ST8SIA5: variants seen among roughly 807,000 people sequenced by gnomAD.
The protein encoded by ST8SIA5 is alpha-2,8-sialyltransferase 8E.
ST8SIA5 carries 24 observed loss-of-function variants against 40.2 expected under a neutral mutation model. That is an observed-to-expected ratio of 0.60 (90% CI 0.43 to 0.84). The LOEUF (loss-of-function observed/expected upper bound fraction) is 0.84, where lower values mean the gene tolerates loss of function less well. Among genes scored for constraint, ST8SIA5 ranks in the 40% least tolerant of loss-of-function variants. The pLI is 0.00. For missense variants in ST8SIA5, 465 were observed against 498.5 expected, an observed-to-expected ratio of 0.93 and a Z score of 0.64; for synonymous variants, 198 against 201.8, an observed-to-expected ratio of 0.98 and a Z score of 0.16.
intron 2 of ST8SIA5, among the ~76,000 whole-genome samples, chr18:46,693,242 TC>T (rs2039525453): frequency 6.6e-6 from 1 of 152,184 alleles, no homozygotes; most frequent in African/African-American, 2.4e-5. Flanking sequence ...TGCATAGTTC[TC>T]TTGGGAACAT....
chr18:46,715,833 C>T (rs1367752117), intron 1 of ST8SIA5, among the ~76,000 whole-genome samples: 1 of 152,054 alleles, frequency 6.6e-6, no homozygotes. Context: ...GCAATCCTCC[C>T]GCCTCAGCCT....
chr18:46,752,972 G>A (rs2040208240), intron 1 of ST8SIA5, among the ~76,000 whole-genome samples: 1 of 152,140 alleles, frequency 6.6e-6, no homozygotes, highest in Non-Finnish European at 1.5e-5. Context: ...CTTTTATCCT[G>A]CCATTACCCT....
At chr18:46,708,550 G>GC (rs1450261239) in intron 1 of ST8SIA5, among the ~76,000 whole-genome samples, 1 of 152,112 alleles carries the variant, frequency 6.6e-6, no homozygotes, top group Non-Finnish European at 1.5e-5. Context: ...CAGAGCCCAT[G>GC]CCCCTATCAG....
In ST8SIA5 at chr18:46,732,956, G is replaced by A. The variant is rs116672130; in HGVS notation, c.131+23422C>T. On this transcript the variant is annotated intron_variant, in intron 1 of 6. Coordinates refer to ENST00000315087, the MANE Select transcript of ST8SIA5 (RefSeq NM_013305.6). The stretch of plus-strand genomic sequence containing the variant: ...AAGCCCATGCTAGCAGCTTGAGATC[G>A]CTCTGTCCACATCCCTCACAAGGGA... 8.4e-3 allele frequency among the ~76,000 whole-genome samples: 1,284 copies of A among 152,258 alleles called. 23 individuals carry two copies. The highest frequency in any genetic ancestry group is 0.029 in the African/African-American group (1,223 of 41,542).
In ST8SIA5 at chr18:46,672,156, A is replaced by T. The variant is rs1452551325; in HGVS notation, c.*7886T>A. On this transcript the variant is annotated 3_prime_UTR_variant, in exon 7 of 7. Transcript: ENST00000315087. ...TAATATTCAGGTCACATCTCAGACC[A>T]CCTGACTCAGAATGTCAAGGGGTGG... 2 of 152,242 alleles carry T rather than the reference A, an allele frequency of 1.3e-5. No individual in the cohort carries two copies. Among genetic ancestry groups the T allele is most frequent in the East Asian group, 3.8e-4 (2 of 5,198 alleles). The allele number at this position is 152,242 out of a possible 1,614,324, so 9.4% of individuals were successfully genotyped here.
In ST8SIA5 at chr18:46,756,392, C is replaced by T. The variant is rs2040246787; in HGVS notation, c.117G>A (p.Arg39=). 2 of 1,612,452 alleles carry T rather than the reference C, an allele frequency of 1.2e-6. No individual in the cohort carries two copies. Among genetic ancestry groups the T allele is most frequent in the Non-Finnish European group, 1.7e-6 (2 of 1,179,058 alleles). ...VTLLQQILYG[R]NYIKRYFEFY... ...GACTTTCTTACCTCTTAATGTAGTT[C>T]CTGCCATACAGGATCTGTTGCAGCA... is the stretch of plus-strand genomic sequence containing the variant. Residue 39 remains arginine, a synonymous_variant, in exon 1 of 7, where the codon AGG becomes AGA. Coordinates refer to ENST00000315087, the MANE Select transcript of ST8SIA5 (RefSeq NM_013305.6).
chr18:46,686,351 C>T, intron 4 of ST8SIA5, 65 bp from the exon 5 acceptor site: 1 of 1,336,240 alleles, frequency 7.5e-7, no homozygotes, highest in Non-Finnish European at 1.1e-6. Flanking sequence ...GCTACTCTCA[C>T]CTCTGCAAGC....
At chr18:46,700,384 T>C (rs2039600226) in intron 2 of ST8SIA5, among the ~76,000 whole-genome samples, 1 of 152,162 alleles carries the variant, frequency 6.6e-6, no homozygotes, top group Non-Finnish European at 1.5e-5. Flanking sequence ...AGATGGACTT[T>C]AACCTTTTCC....
In ST8SIA5 at chr18:46,680,127, G is replaced by T. The variant is rs768093093; in HGVS notation, c.1046C>A (p.Ala349Asp). Reference protein sequence around the residue: ...DNVKPRPGFHAMPSEIFNFLH... With the variant: ...DNVKPRPGFHDMPSEIFNFLH... ...GAAGTTGAAGATCTCAGAGGGCATG[G>T]CGTGGAAGCCGGGACGCGGCTTGAC... is the stretch of plus-strand genomic sequence containing the variant. The change falls in exon 7 of 7, where the codon GCC becomes GAC. Residue 349 changes from alanine to aspartate, a missense_variant. Coordinates refer to ENST00000315087, the MANE Select transcript of ST8SIA5 (RefSeq NM_013305.6). 1 of 1,614,230 alleles carries T rather than the reference G, an allele frequency of 6.2e-7. No homozygotes were observed. Among genetic ancestry groups the T allele is most frequent in the Non-Finnish European group, 8.5e-7 (1 of 1,180,046 alleles).
chr18:46,732,380 G>T (rs547575495), intron 1 of ST8SIA5, among the ~76,000 whole-genome samples: 14 of 152,352 alleles, frequency 9.2e-5, no homozygotes, highest in Admixed American at 8.5e-4. Flanking sequence ...CCAAGGTCTG[G>T]ATCCTGTCCC....
chr18:46,680,124 A>G lies in ST8SIA5; in HGVS notation c.1049T>C (p.Met350Thr), dbSNP rs1447049153. 6.2e-7 allele frequency: 1 copy of G among 1,614,222 alleles called. No homozygotes were observed. The highest frequency in any genetic ancestry group is 8.5e-7 in the Non-Finnish European group (1 of 1,180,040). The change falls in exon 7 of 7, where the codon ATG becomes ACG. Residue 350 changes from methionine to threonine, a missense_variant. Transcript: ENST00000315087. ...CAGGAAGTTGAAGATCTCAGAGGGC[A>G]TGGCGTGGAAGCCGGGACGCGGCTT... ...NVKPRPGFHAMPSEIFNFLHL... is the reference protein window; with the variant it reads ...NVKPRPGFHATPSEIFNFLHL...
intron 1 of ST8SIA5, among the ~76,000 whole-genome samples, chr18:46,753,964 G>C (rs964662481): frequency 6.6e-6 from 1 of 152,140 alleles, no homozygotes; most frequent in South Asian, 2.1e-4. Context: ...GCATTTCAAT[G>C]GTCCTCCAGT....
intron 1 of ST8SIA5, among the ~76,000 whole-genome samples, chr18:46,737,821 A>G (rs2040049541): frequency 6.6e-6 from 1 of 151,676 alleles, no homozygotes; most frequent in African/African-American, 2.4e-5. Context: ...CCCAGGCTGG[A>G]GTGCAGTGGT....
chr18:46,708,317 C>CCT, intron 1 of ST8SIA5, among the ~76,000 whole-genome samples: 1 of 152,234 alleles, frequency 6.6e-6, no homozygotes, highest in East Asian at 1.9e-4. Context: ...GATTAGTAAA[C>CCT]CTCTCCCCTG....
intron 1 of ST8SIA5, among the ~76,000 whole-genome samples, chr18:46,716,845 G>C (rs911673496): frequency 6.6e-6 from 1 of 152,256 alleles, no homozygotes; most frequent in South Asian, 2.1e-4. Flanking sequence ...AGTTAAAGGT[G>C]ATTCGGTTGG....
intron 1 of ST8SIA5, among the ~76,000 whole-genome samples, chr18:46,713,694 C>T (rs1279431882): frequency 1.3e-5 from 2 of 152,046 alleles, no homozygotes; most frequent in African/African-American, 2.4e-5. Flanking sequence ...GACAGATGGG[C>T]CATATGCAGT....
chr18:46,704,521 C>T, intron 2 of ST8SIA5, 51 bp downstream of exon 2: 1 of 1,531,482 alleles, frequency 6.5e-7, no homozygotes, highest in Non-Finnish European at 9.0e-7. Context: ...CCCCCAACCC[C>T]TGCCCCACCT....
At chr18:46,687,463 G>A (rs1279557118) in intron 4 of ST8SIA5, among the ~76,000 whole-genome samples, 2 of 152,080 alleles carry the variant, frequency 1.3e-5, no homozygotes, top group Admixed American at 6.6e-5. Context: ...CTTCTCCTTG[G>A]ATCTGTATGT....
chr18:46,746,074 A>G (rs1008602464), intron 1 of ST8SIA5, among the ~76,000 whole-genome samples: 1 of 152,180 alleles, frequency 6.6e-6, no homozygotes, highest in Admixed American at 6.5e-5. Context: ...TCTCAAAATA[A>G]TAAGAGCTAT....
Sources: gnomAD v4.1 joint callset for allele counts (sites outside exome capture counted in the v4.1 genomes callset) on GRCh38, gnomAD v4.1.1 for gene constraint, MANE v1.5 for transcripts, NCBI Gene and HGNC (gene_info 2026-07-23, HGNC 2026-07-21) for gene names.